The following RNF187 variants were observed in gnomAD, a reference collection of about 807,000 sequenced individuals.
The protein encoded by RNF187 is E3 ubiquitin-protein ligase RNF187.
Under a neutral mutation model 22.2 loss-of-function variants are expected in RNF187, and 18 were observed. The ratio of observed to expected loss-of-function variants is 0.81; its 90% CI spans 0.56 to 1.20. The LOEUF (loss-of-function observed/expected upper bound fraction) is 1.20, where lower values mean the gene tolerates loss of function less well. RNF187 is among the 50% of genes most tolerant of loss of function. RNF187 has a pLI of 0.00. For synonymous variants in RNF187, 164 were observed against 140.9 expected, an observed-to-expected ratio of 1.16 and a Z score of -1.16; for missense variants, 329 against 317.6, an observed-to-expected ratio of 1.04 and a Z score of -0.27.
intron 1 of RNF187, among the ~76,000 whole-genome samples, chr1:228,488,712 GAC>G: frequency 3.3e-5 from 5 of 152,228 alleles, no homozygotes; most frequent in Admixed American, 2.0e-4. Context: ...GCCACTTACA[GAC>G]ACAGAACTCC....
In RNF187 at chr1:228,493,081, C is replaced by T; in HGVS notation, c.512C>T (p.Ala171Val). The T allele has an allele frequency of 6.4e-7, 1 of 1,551,058 alleles. No individual in the cohort carries two copies. Among genetic ancestry groups the T allele is most frequent in the East Asian group, 2.4e-5 (1 of 40,908 alleles). ...CACGTGATGGACCGTAGGAAGAAGG[C>T]ACTGACCGACTACAAGAAGCTGCGG... Residue 171 changes from alanine (A) to valine (V), a missense_variant, in exon 3 of 4, where the codon GCA becomes GTA. Coordinates refer to ENST00000305943, the MANE Select transcript of RNF187 (RefSeq NM_001010858.3). This position sits in a 1 kb window ranked among gnomAD's most constrained non-coding sequence, Gnocchi z 4.7.
Position 228,495,584 on chromosome 1 carries a change from A to T in RNF187, c.*1699A>T. On this transcript the variant is annotated 3_prime_UTR_variant, in exon 4 of 4. Transcript: ENST00000305943. The stretch of plus-strand genomic sequence containing the variant: ...GAGCATCCCTGCCCCTGCCCTGCAC[A>T]CCTGTGATGCTTGCCCGGACAGGTC... The T allele has an allele frequency of 3.0e-6, 3 of 985,292 alleles. No individual in the cohort carries two copies. The highest frequency in any genetic ancestry group is 1.7e-5 in the African/African-American group (1 of 57,158). 61.0% of individuals were successfully genotyped at this position (985,292 alleles called of 1,614,324 possible). A position where few individuals can be genotyped will look rare whatever the true frequency, so the allele number is the denominator to read the frequency against.
At chr1:228,492,829 TG>T in intron 2 of RNF187, among the ~76,000 whole-genome samples, 2,032 of 152,160 alleles carry the variant, frequency 0.013, 58 homozygotes, top group African/African-American at 0.046. Flanking sequence ...TTCACCATGT[TG>T]GTCAGGCTGG....
Position 228,496,186 on chromosome 1 carries a change from A to C in RNF187, c.*2301A>C. Among the ~76,000 whole-genome samples the C allele has an allele frequency of 6.6e-6, 1 of 152,238 alleles. No individual in the cohort carries two copies. The highest frequency in any genetic ancestry group is 1.5e-5 in the Non-Finnish European group (1 of 68,032). ...TTCTATAAATCAACATTTTGATTCCACATATAAGTGAGATCATGTGATATT... is the reference window on the plus strand; with the variant it reads ...TTCTATAAATCAACATTTTGATTCCCCATATAAGTGAGATCATGTGATATT... On this transcript the variant is annotated 3_prime_UTR_variant, in exon 4 of 4. Transcript: ENST00000305943.
chr1:228,487,939 C>T, intron 1 of RNF187, 61 bp downstream of exon 1: 5 of 1,014,356 alleles, frequency 4.9e-6, no homozygotes, highest in Non-Finnish European at 6.0e-6. Flanking sequence ...TCCGCCCCCG[C>T]CCCGGTCCCC....
In RNF187 at chr1:228,487,565, A is replaced by C. The variant is rs955574865; in HGVS notation, c.77A>C (p.Asp26Ala). 6 of 1,250,774 alleles carry C rather than the reference A, an allele frequency of 4.8e-6. No homozygotes were observed. The highest frequency in any genetic ancestry group is 6.1e-6 in the Non-Finnish European group (6 of 985,292). The allele number at this position is 1,250,774 out of a possible 1,614,324, so 77.5% of individuals were successfully genotyped here. A position where few individuals can be genotyped will look rare whatever the true frequency, so the allele number is the denominator to read the frequency against. Residue 26 changes from aspartate to alanine, a missense_variant, in exon 1 of 4, where the codon GAC (aspartate) becomes GCC (alanine). Asp to Ala is a moderately radical substitution (Grantham distance 126). Transcript: ENST00000305943. ...GCGCCCCGGGAACCGGTGCGCGCCG[A>C]CTGCGGCCACCGCTTCTGTCGGGCG...
chr1:228,493,771 C>A lies in RNF187; in HGVS notation c.706-112C>A. 8.7e-7 allele frequency: 1 copy of A among 1,151,812 alleles called. No homozygotes were observed. The allele number at this position is 1,151,812 out of a possible 1,614,324, so 71.3% of individuals were successfully genotyped here. On this transcript the variant is annotated intron_variant, in intron 3 of 3. Transcript: ENST00000305943. This position sits in a 1 kb window ranked among gnomAD's most constrained non-coding sequence, Gnocchi z 4.7. ...GTTGTGCTCAGGACAGTACCTCATG[C>A]GCTGTCTCATGTGCGCTCTCTCTTT...
At position 228,487,419 on chromosome 1, in the gene RNF187, C is replaced by G; in HGVS notation, c.-70C>G. 9.2e-7 allele frequency: 1 copy of G among 1,084,726 alleles called. No homozygotes were observed. The highest frequency in any genetic ancestry group is 1.1e-6 in the Non-Finnish European group (1 of 895,182). 67.2% of individuals were successfully genotyped at this position (1,084,726 alleles called of 1,614,324 possible). A position where few individuals can be genotyped will look rare whatever the true frequency, so the allele number is the denominator to read the frequency against. ...GTCCTGTTGCTGGTCTCCGTCCGGT[C>G]GCCGGCCGTCTAGGTCTCCGGCCCT... On this transcript the variant is annotated 5_prime_UTR_variant, in exon 1 of 4. Transcript: ENST00000305943.
At chr1:228,492,188 C>T in intron 2 of RNF187, among the ~76,000 whole-genome samples, 1 of 151,092 alleles carries the variant, frequency 6.6e-6, no homozygotes, top group Non-Finnish European at 1.5e-5. Flanking sequence ...GTTGCTGGGA[C>T]CATAGGTGTG....
chr1:228,492,181 G>T, intron 2 of RNF187, among the ~76,000 whole-genome samples: 1 of 151,600 alleles, frequency 6.6e-6, no homozygotes, highest in Non-Finnish European at 1.5e-5. Flanking sequence ...CTCCCGAGTT[G>T]CTGGGACCAT....
Position 228,493,986 on chromosome 1 carries a change from G to A in RNF187, c.*101G>A. 4.5e-6 allele frequency: 7 copies of A among 1,551,150 alleles called. No individual in the cohort carries two copies. Among genetic ancestry groups the A allele is most frequent in the Middle Eastern group, 1.7e-4 (1 of 6,012 alleles). On this transcript the variant is annotated 3_prime_UTR_variant, in exon 4 of 4. Transcript: ENST00000305943. This position sits in a 1 kb window ranked among gnomAD's most constrained non-coding sequence, Gnocchi z 4.7. ...TGGCTGCCAGGGAAGCGTGGCAGGC[G>A]CCTGGCCTTGGGTCCATCTACATAG...
chr1:228,493,711 T>C lies in RNF187; in HGVS notation c.706-172T>C. Among the ~76,000 whole-genome samples, 1 of 152,202 alleles carries C rather than the reference T, an allele frequency of 6.6e-6. No homozygotes were observed. Among genetic ancestry groups the C allele is most frequent in the African/African-American group, 2.4e-5 (1 of 41,460 alleles). ...GCCATAGGTGACAAGGCTTTGGCCC[T>C]GGGGAGACGGAAGTCTGGGCCAGGC... On this transcript the variant is annotated intron_variant, in intron 3 of 3. Coordinates refer to ENST00000305943, the MANE Select transcript of RNF187 (RefSeq NM_001010858.3). The surrounding 1 kb of genome is among the most constrained non-coding windows in gnomAD (Gnocchi z 4.7).
chr1:228,493,552 C>G lies in RNF187; in HGVS notation c.705+278C>G. Among the ~76,000 whole-genome samples, 32 of 152,242 alleles carry G rather than the reference C, an allele frequency of 2.1e-4. No homozygotes were observed. The highest frequency in any genetic ancestry group is 7.2e-4 in the African/African-American group (30 of 41,462). On this transcript the variant is annotated intron_variant, in intron 3 of 3. Coordinates refer to ENST00000305943, the MANE Select transcript of RNF187 (RefSeq NM_001010858.3). The surrounding 1 kb of genome is among the most constrained non-coding windows in gnomAD (Gnocchi z 4.7). ...GAGCATGGAAGGCTCCTGCCTCGCCCTGGGGTCCTGAAGGCAGAAGCAGCC... is the reference window on the plus strand; with the variant it reads ...GAGCATGGAAGGCTCCTGCCTCGCCGTGGGGTCCTGAAGGCAGAAGCAGCC...
At position 228,495,157 on chromosome 1, in the gene RNF187, G is replaced by A; in HGVS notation, c.*1272G>A. 2 of 500,942 alleles carry A rather than the reference G, an allele frequency of 4.0e-6. No homozygotes were observed. Among genetic ancestry groups the A allele is most frequent in the Non-Finnish European group, 5.2e-6 (2 of 387,160 alleles). 31.0% of individuals were successfully genotyped at this position (500,942 alleles called of 1,614,324 possible). On this transcript the variant is annotated 3_prime_UTR_variant, in exon 4 of 4. Coordinates refer to ENST00000305943, the MANE Select transcript of RNF187 (RefSeq NM_001010858.3). ...GGGGGAGATGGGGCTCCACCCCGAC[G>A]TAGCAGGGCAGGGGTTGGAGGAGCG...
intron 2 of RNF187, among the ~76,000 whole-genome samples, chr1:228,489,279 C>T: frequency 6.6e-6 from 1 of 152,134 alleles, no homozygotes; most frequent in East Asian, 1.9e-4. Flanking sequence ...TTTCTCCTCA[C>T]ATTTTACCTG....
At chr1:228,489,075 G>A in intron 2 of RNF187, 23 bp downstream of exon 2, 2 of 1,534,334 alleles carry the variant, frequency 1.3e-6, no homozygotes, top group Non-Finnish European at 1.8e-6. Flanking sequence ...ACCTGGGGCA[G>A]CCTGGAATGA....
In RNF187 at chr1:228,495,376, G is replaced by A; in HGVS notation, c.*1491G>A. 1.5e-6 allele frequency: 1 copy of A among 687,988 alleles called. No individual in the cohort carries two copies. Among genetic ancestry groups the A allele is most frequent in the South Asian group, 6.5e-5 (1 of 15,336 alleles). 42.6% of individuals were successfully genotyped at this position (687,988 alleles called of 1,614,324 possible). On this transcript the variant is annotated 3_prime_UTR_variant, in exon 4 of 4. Transcript: ENST00000305943. ...CAGATATTATGGTTAACCAAATTAG[G>A]GTTCTTGCTAAAACTGGATTTCATA...
At chr1:228,492,569 C>G in intron 2 of RNF187, among the ~76,000 whole-genome samples, 1 of 150,754 alleles carries the variant, frequency 6.6e-6, no homozygotes, top group Admixed American at 6.6e-5. Flanking sequence ...TTCTGTCTGC[C>G]TCAGCCTCCC....
In RNF187 at chr1:228,495,487, A is replaced by G; in HGVS notation, c.*1602A>G. On this transcript the variant is annotated 3_prime_UTR_variant, in exon 4 of 4. Coordinates refer to ENST00000305943, the MANE Select transcript of RNF187 (RefSeq NM_001010858.3). ...AGAGAATCTTTGTCAGCACGCCAACAACATCCCGACCCTGAGACCTCCAGT... is the reference window on the plus strand; with the variant it reads ...AGAGAATCTTTGTCAGCACGCCAACGACATCCCGACCCTGAGACCTCCAGT... 17 of 985,418 alleles carry G rather than the reference A, an allele frequency of 1.7e-5. No homozygotes were observed. The highest frequency in any genetic ancestry group is 1.8e-5 in the Non-Finnish European group (15 of 829,924). 61.0% of individuals were successfully genotyped at this position (985,418 alleles called of 1,614,324 possible).
Sources: gnomAD v4.1 joint callset for allele counts (sites outside exome capture counted in the v4.1 genomes callset) on GRCh38, gnomAD v4.1.1 for gene constraint, Gnocchi (gnomAD v3.1) non-coding constraint, MANE v1.5 for transcripts, NCBI Gene and HGNC (gene_info 2026-07-23, HGNC 2026-07-21) for gene names.